Variants in PKHD1 observed in about 807,000 individuals in gnomAD.
The protein encoded by PKHD1 is PKHD1 ciliary IPT domain containing fibrocystin/polyductin.
Under a neutral mutation model 412.0 loss-of-function variants are expected in PKHD1, and 291 were observed. The ratio of observed to expected loss-of-function variants is 0.71; its 90% CI spans 0.64 to 0.78. The LOEUF (loss-of-function observed/expected upper bound fraction) is 0.78, where lower values mean the gene tolerates loss of function less well. Among genes scored for constraint, PKHD1 ranks in the 30% least tolerant of loss-of-function variants. The pLI is 0.00. For synonymous variants in PKHD1, 1,777 were observed against 1,821.5 expected (o/e 0.98, Z 0.62); for missense variants, 4,825 against 4,950.7 (o/e 0.97, Z 0.76).
At chr6:51,853,382 G>A (rs1772669385) in intron 49 of PKHD1, among the ~76,000 whole-genome samples, 1 of 152,090 alleles carries the variant, frequency 6.6e-6, no homozygotes, top group South Asian at 2.1e-4. Flanking sequence ...ATAATTATAT[G>A]TTGGTCTTCT....
chr6:51,901,495 G>A (rs1781277962), intron 43 of PKHD1, among the ~76,000 whole-genome samples: 1 of 151,660 alleles, frequency 6.6e-6, no homozygotes, highest in Non-Finnish European at 1.5e-5. Context: ...ACAGGAAGGG[G>A]AACATCACAC....
chr6:52,023,598 G>A (rs1801723563), intron 32 of PKHD1, among the ~76,000 whole-genome samples: 1 of 151,970 alleles, frequency 6.6e-6, no homozygotes, highest in African/African-American at 2.4e-5. Context: ...ATTTGTATGA[G>A]TAAAACCAGT....
chr6:52,041,136 A>G (rs1287881778), intron 27 of PKHD1, among the ~76,000 whole-genome samples: 1 of 152,244 alleles, frequency 6.6e-6, no homozygotes, highest in African/African-American at 2.4e-5. Flanking sequence ...CCTCAAAAAA[A>G]TCCTTTCAAG....
chr6:51,719,922 AG>A (rs1474102751), intron 60 of PKHD1, among the ~76,000 whole-genome samples: 2 of 152,166 alleles, frequency 1.3e-5, no homozygotes, highest in Admixed American at 6.5e-5. Flanking sequence ...TGAAAAAGAA[AG>A]TCTTAAAAGA....
chr6:52,028,518 TA>T (rs1439491386), intron 29 of PKHD1, among the ~76,000 whole-genome samples, 167 bp from the exon 30 acceptor site: 5 of 115,836 alleles, frequency 4.3e-5, no homozygotes, highest in African/African-American at 1.0e-4. Context: ...TTCTAACAAC[TA>T]TTTTTTTTTT....
intron 37 of PKHD1, among the ~76,000 whole-genome samples, chr6:51,930,584 G>A (rs1324363145): frequency 1.3e-5 from 2 of 152,190 alleles, no homozygotes; most frequent in Admixed American, 6.5e-5. Flanking sequence ...TAAAGAATGA[G>A]ATGGAAGGAG....
At chr6:52,027,396 A>G (rs2128150115) in intron 31 of PKHD1, among the ~76,000 whole-genome samples, 1 of 151,998 alleles carries the variant, frequency 6.6e-6, no homozygotes, top group South Asian at 2.1e-4. Context: ...GCCAGGCATG[A>G]TGGAGGGCAC....
At chr6:51,728,040 TC>T (rs1382277575) in intron 60 of PKHD1, among the ~76,000 whole-genome samples, 1 of 152,128 alleles carries the variant, frequency 6.6e-6, no homozygotes, top group Admixed American at 6.5e-5. Flanking sequence ...CATACAATAC[TC>T]CCATGCCTTA....
intron 36 of PKHD1, among the ~76,000 whole-genome samples, chr6:51,949,529 G>C (rs1487897725): frequency 6.6e-6 from 1 of 152,188 alleles, no homozygotes; most frequent in Non-Finnish European, 1.5e-5. Flanking sequence ...GACACGGATG[G>C]ACACAGCTTC....
In PKHD1 at chr6:51,911,918, T is replaced by C; in HGVS notation, c.6371A>G (p.Glu2124Gly). The change falls in exon 39 of 67, where the codon GAG becomes GGG. Residue 2124 changes from glutamate to glycine, a missense_variant. By Grantham distance (98) the Glu-to-Gly change is moderately conservative (BLOSUM62 -2). Transcript: ENST00000371117. ...HNFTENWVAG[E>G]HHILKATVAL... ...CACAGTGGCCTTTAAAATATGGTGC[T>C]CTCCAGCCACCCAATTCTCTGTAAA... 6.2e-7 allele frequency: 1 copy of C among 1,612,018 alleles called. No individual in the cohort carries two copies. Among genetic ancestry groups the C allele is most frequent in the South Asian group, 1.1e-5 (1 of 91,038 alleles).
intron 11 of PKHD1, among the ~76,000 whole-genome samples, chr6:52,068,110 G>A (rs1378184457): frequency 6.6e-6 from 1 of 152,182 alleles, no homozygotes; most frequent in Non-Finnish European, 1.5e-5. Flanking sequence ...CAAGATTCTT[G>A]CTCCTCTACC....
intron 63 of PKHD1, among the ~76,000 whole-genome samples, chr6:51,647,513 A>G (rs192877812): frequency 6.6e-6 from 1 of 152,346 alleles, no homozygotes; most frequent in Admixed American, 6.5e-5. Flanking sequence ...GTAGACAAAC[A>G]TAAGGAGAAA....
intron 55 of PKHD1, among the ~76,000 whole-genome samples, chr6:51,762,269 T>C (rs1409541): frequency 0.32 from 48,614 of 152,006 alleles, 9,653 homozygotes; most frequent in East Asian, 0.69. Context: ...TAAAACCTAA[T>C]CTTTATCATA....
At chr6:51,733,238 C>T (rs1043289774) in intron 60 of PKHD1, among the ~76,000 whole-genome samples, 1 of 152,042 alleles carries the variant, frequency 6.6e-6, no homozygotes, top group Non-Finnish European at 1.5e-5. Context: ...CTGAACTGTA[C>T]ACTTAAAAAT....
intron 48 of PKHD1, among the ~76,000 whole-genome samples, chr6:51,865,166 G>A (rs1001516220): frequency 6.6e-6 from 1 of 152,120 alleles, no homozygotes; most frequent in Non-Finnish European, 1.5e-5. Flanking sequence ...CAGAATACCT[G>A]CGGCTTCTAC....
intron 52 of PKHD1, among the ~76,000 whole-genome samples, chr6:51,792,826 G>C (rs550866109): frequency 1.1e-4 from 16 of 152,110 alleles, no homozygotes; most frequent in Non-Finnish European, 1.2e-4. Flanking sequence ...TCTCCCTGGG[G>C]AAACAACCTC....
chr6:51,925,459 G>GTA (rs1554140295), intron 37 of PKHD1, among the ~76,000 whole-genome samples: 187 of 136,398 alleles, frequency 1.4e-3, no homozygotes, highest in East Asian at 5.2e-3. Flanking sequence ...GTGTGTATGT[G>GTA]TGTGTGTGTG....
At chr6:52,056,584 A>AT (rs374930650) in intron 18 of PKHD1, 114 bp downstream of exon 18, 2,213 of 763,126 alleles carry the variant, frequency 2.9e-3, no homozygotes, top group Non-Finnish European at 3.5e-3. Flanking sequence ...CAGGTTTCAT[A>AT]TTTTTTTTTT....
At chr6:51,998,139 T>C (rs992378891) in intron 35 of PKHD1, among the ~76,000 whole-genome samples, 7 of 152,120 alleles carry the variant, frequency 4.6e-5, no homozygotes, top group Non-Finnish European at 7.3e-5. Flanking sequence ...ACTACAGATG[T>C]TGGCAAATCT....
Sources: gnomAD v4.1 joint callset for allele counts (sites outside exome capture counted in the v4.1 genomes callset) on GRCh38, gnomAD v4.1.1 for gene constraint, MANE v1.5 for transcripts, NCBI Gene and HGNC (gene_info 2026-07-23, HGNC 2026-07-21) for gene names.